RIC8B: variants seen among roughly 807,000 people sequenced by gnomAD.
RIC8B encodes the protein RIC8 guanine nucleotide exchange factor B, also known as chaperone Ric-8B.
RIC8B carries 16 observed loss-of-function variants against 57.5 expected under a neutral mutation model. The observed-to-expected ratio is 0.28, with a 90% CI of 0.19 to 0.42. The LOEUF (loss-of-function observed/expected upper bound fraction) is 0.42. Among genes scored for constraint, RIC8B ranks in the 10% least tolerant of loss-of-function variants. RIC8B has a pLI of 1.00. For synonymous variants in RIC8B, 216 were observed against 250.8 expected, an observed-to-expected ratio of 0.86 and a Z score of 1.31; for missense variants, 481 against 677.0, an observed-to-expected ratio of 0.71 and a Z score of 3.21.
chr12:106,863,277 A>G (rs1206043413), intron 8 of RIC8B, among the ~76,000 whole-genome samples: 1 of 152,094 alleles, frequency 6.6e-6, no homozygotes, highest in Non-Finnish European at 1.5e-5. Flanking sequence ...GATGGTCAAA[A>G]GTGAGCAGAA....
At position 106,872,686 on chromosome 12, in the gene RIC8B, AC is replaced by A. The variant is rs778543933; in HGVS notation, c.1571+1745del. On this transcript the variant is annotated intron_variant, in intron 9 of 9. Transcript: ENST00000392837. ...CTCTGTCTCAAAAAAAAAAAAAAAA[AC>A]AAACCCGACAGAGTCCATCTGGTAG... Among the ~76,000 whole-genome samples, 69 of 151,332 alleles carry A rather than the reference AC, an allele frequency of 4.6e-4. 5 individuals carry two copies. The highest frequency in any genetic ancestry group is 1.4e-3 in the African/African-American group (57 of 41,258).
chr12:106,879,762 T>C lies in RIC8B; in HGVS notation c.1572-6142T>C. 4.1e-6 allele frequency: 4 copies of C among 985,402 alleles called. No individual in the cohort carries two copies. The highest frequency in any genetic ancestry group is 4.8e-6 in the Non-Finnish European group (4 of 829,914). 61.0% of individuals were successfully genotyped at this position (985,402 alleles called of 1,614,324 possible). A position where few individuals can be genotyped will look rare whatever the true frequency, so the allele number is the denominator to read the frequency against. On this transcript the variant is annotated intron_variant, in intron 9 of 9. Transcript: ENST00000392837. The surrounding 1 kb of genome is among the most constrained non-coding windows in gnomAD (Gnocchi z 4.9). ...TTAGTAAGATCAAATTTCTAAATGA[T>C]GTTTCGTTCCAGTTGAACATTCTTG...
chr12:106,877,763 A>G (rs1950733182), intron 9 of RIC8B, among the ~76,000 whole-genome samples: 1 of 152,202 alleles, frequency 6.6e-6, no homozygotes. Context: ...ACGCTTTTGA[A>G]TGCGGCCCAA....
chr12:106,787,414 A>G (rs1361268283), intron 2 of RIC8B, among the ~76,000 whole-genome samples: 2 of 152,186 alleles, frequency 1.3e-5, no homozygotes, highest in African/African-American at 4.8e-5. Flanking sequence ...CTTAATGGAG[A>G]GACATATAGA....
At chr12:106,787,908 C>T (rs2044106928) in intron 2 of RIC8B, among the ~76,000 whole-genome samples, 1 of 152,184 alleles carries the variant, frequency 6.6e-6, no homozygotes, top group Non-Finnish European at 1.5e-5. Flanking sequence ...ACCAATTATG[C>T]CTTTCCAACA....
In RIC8B at chr12:106,843,916, A is replaced by T; in HGVS notation, c.1130A>T (p.His377Leu). ...LSLLTECSRA[H>L]RNIRKFLKDQ... Reference sequence around the variant, plus strand: ...TTATTAACCGAATGTTCCCGAGCCCATCGAAACATCCGAAAATTTCTCAAA... The same window carrying T: ...TTATTAACCGAATGTTCCCGAGCCCTTCGAAACATCCGAAAATTTCTCAAA... Residue 377 changes from histidine to leucine, a missense_variant, in exon 6 of 10, where the codon CAT (histidine) becomes CTT (leucine). His to Leu is a moderately conservative substitution (Grantham distance 99). Coordinates refer to ENST00000392837, the MANE Select transcript of RIC8B (RefSeq NM_001330145.2). 6.2e-7 allele frequency: 1 copy of T among 1,613,944 alleles called. No homozygotes were observed. The highest frequency in any genetic ancestry group is 8.5e-7 in the Non-Finnish European group (1 of 1,179,930).
chr12:106,811,125 A>T (rs2045316405), intron 2 of RIC8B, among the ~76,000 whole-genome samples: 2 of 152,250 alleles, frequency 1.3e-5, no homozygotes, highest in Admixed American at 1.3e-4. Context: ...AAGAAACGTA[A>T]TGTGACAATA....
intron 4 of RIC8B, among the ~76,000 whole-genome samples, chr12:106,828,576 A>G (rs1168887596): frequency 1.3e-5 from 2 of 152,140 alleles, no homozygotes; most frequent in African/African-American, 4.8e-5. Flanking sequence ...AGCACAGTGT[A>G]TGGTTGTGCG....
intron 3 of RIC8B, chr12:106,823,262 A>T (rs766850788): frequency 3.7e-6 from 1 of 270,732 alleles, no homozygotes; most frequent in African/African-American, 2.2e-5. Flanking sequence ...CTCGGAGAAG[A>T]TACTTTAGCT....
intron 9 of RIC8B, among the ~76,000 whole-genome samples, chr12:106,884,950 G>T (rs1951107971): frequency 2.0e-5 from 3 of 152,154 alleles, no homozygotes; most frequent in East Asian, 1.9e-4. Context: ...TTTTTGGGGG[G>T]TGATGCCCAT....
chr12:106,854,668 G>A lies in RIC8B; in HGVS notation c.1306+3074G>A, dbSNP rs1300954037. Reference sequence around the variant, plus strand: ...TAGCTGGACGTGGTGGTGCATGCCTGTAATCCCAGCTGCTCAGGAGGCTGA... The same window carrying A: ...TAGCTGGACGTGGTGGTGCATGCCTATAATCCCAGCTGCTCAGGAGGCTGA... On this transcript the variant is annotated intron_variant, in intron 7 of 9. Coordinates refer to ENST00000392837, the MANE Select transcript of RIC8B (RefSeq NM_001330145.2). 2.0e-5 allele frequency among the ~76,000 whole-genome samples: 3 copies of A among 152,272 alleles called. No homozygotes were observed. The East Asian group carries it at 5.8e-4, about 29-fold the overall frequency.
At chr12:106,805,512 A>C (rs933303580) in intron 2 of RIC8B, among the ~76,000 whole-genome samples, 5 of 152,160 alleles carry the variant, frequency 3.3e-5, no homozygotes, top group East Asian at 3.9e-4. Context: ...ACAACAACAA[A>C]AAAAACCCTG....
Position 106,842,188 on chromosome 12 carries a change from A to C in RIC8B, c.837-401A>C, listed in dbSNP as rs140514236. Among the ~76,000 whole-genome samples the C allele has an allele frequency of 4.6e-4, 70 of 152,270 alleles. 1 individual carries two copies. In the East Asian group the frequency reaches 0.013, roughly 29 times the overall value. On this transcript the variant is annotated intron_variant, in intron 4 of 9. Coordinates refer to ENST00000392837, the MANE Select transcript of RIC8B (RefSeq NM_001330145.2). ...ATTTTCAGTGTTTCTCAAATGCTTTATGTTGTAATCTAAGGAATAATAAAA... is the reference window on the plus strand; with the variant it reads ...ATTTTCAGTGTTTCTCAAATGCTTTCTGTTGTAATCTAAGGAATAATAAAA...
chr12:106,879,121 T>A lies in RIC8B; in HGVS notation c.1572-6783T>A. On this transcript the variant is annotated intron_variant, in intron 9 of 9. Coordinates refer to ENST00000392837, the MANE Select transcript of RIC8B (RefSeq NM_001330145.2). This position sits in a 1 kb window ranked among gnomAD's most constrained non-coding sequence, Gnocchi z 4.9. ...GTGGCAAGCGGGAAGCTGAAACTCGTATAGGTAAATTCGAAGGGACTCTTG... is the reference window on the plus strand; with the variant it reads ...GTGGCAAGCGGGAAGCTGAAACTCGAATAGGTAAATTCGAAGGGACTCTTG... 2 of 985,730 alleles carry A rather than the reference T, an allele frequency of 2.0e-6. No homozygotes were observed. Among genetic ancestry groups the A allele is most frequent in the Non-Finnish European group, 2.4e-6 (2 of 829,902 alleles). The allele number at this position is 985,730 out of a possible 1,614,324, so 61.1% of individuals were successfully genotyped here.
At chr12:106,794,425 AT>A (rs1434204657) in intron 2 of RIC8B, among the ~76,000 whole-genome samples, 16 of 152,240 alleles carry the variant, frequency 1.1e-4, no homozygotes, top group African/African-American at 3.6e-4. Flanking sequence ...AACTTCCCAA[AT>A]TTATTGGAAA....
At chr12:106,873,815 C>T (rs1327104921) in intron 9 of RIC8B, among the ~76,000 whole-genome samples, 2 of 152,144 alleles carry the variant, frequency 1.3e-5, no homozygotes, top group African/African-American at 2.4e-5. Flanking sequence ...GGGACTGTTT[C>T]ACAGGAAAGC....
chr12:106,801,998 G>T (rs1420376206), intron 2 of RIC8B, among the ~76,000 whole-genome samples: 1 of 152,094 alleles, frequency 6.6e-6, no homozygotes, highest in Non-Finnish European at 1.5e-5. Flanking sequence ...CTCCAGTTAA[G>T]AACTAAAATT....
intron 2 of RIC8B, among the ~76,000 whole-genome samples, chr12:106,804,824 A>C (rs971752759): frequency 6.6e-6 from 1 of 152,212 alleles, no homozygotes; most frequent in South Asian, 2.1e-4. Context: ...AAAGTGCTAG[A>C]GATTAAGTGT....
intron 4 of RIC8B, among the ~76,000 whole-genome samples, chr12:106,835,761 G>A (rs1474252851): frequency 6.6e-6 from 1 of 152,204 alleles, no homozygotes; most frequent in Non-Finnish European, 1.5e-5. Context: ...GTTCTAGGCA[G>A]GAGAAAACAT....
Sources: allele counts gnomAD v4.1 joint callset (sites outside exome capture counted in the v4.1 genomes callset), GRCh38; gene constraint gnomAD v4.1.1; non-coding constraint Gnocchi (gnomAD v3.1); transcripts MANE v1.5; gene names NCBI Gene and HGNC (gene_info 2026-07-23, HGNC 2026-07-21).